Variants in RBM25 observed in about 807,000 individuals in gnomAD.
RBM25 encodes RNA binding motif protein 25.
Under a neutral mutation model 120.7 loss-of-function variants are expected in RBM25, and 19 were observed. That is an observed-to-expected ratio of 0.16 (90% CI 0.11 to 0.23). The LOEUF is 0.23. RBM25 is among the 10% of genes least tolerant of loss of function. The pLI is 1.00. For missense variants in RBM25, 605 were observed against 1,041.5 expected, an observed-to-expected ratio of 0.58 and a Z score of 5.77; for synonymous variants, 390 against 326.7, an observed-to-expected ratio of 1.19 and a Z score of -2.09.
rs189263406 is a variant in RBM25 at position 73,058,966 on chromosome 14, T to A, written c.-16+261T>A. ...TTCCGTCTTGCATTGTCGCCCACTT[T>A]CCCTTTCCCTTCCACGTTCCGCCGC... On this transcript the variant is annotated intron_variant, in intron 1 of 18. Transcript: ENST00000261973. 3.5e-3 allele frequency among the ~76,000 whole-genome samples: 526 copies of A among 152,206 alleles called. 3 individuals are homozygous for A. Among genetic ancestry groups the A allele is most frequent in the Middle Eastern group, 6.8e-3 (2 of 294 alleles).
intron 6 of RBM25, among the ~76,000 whole-genome samples, chr14:73,090,152 G>A (rs1410925802): frequency 1.3e-5 from 2 of 151,988 alleles, no homozygotes; most frequent in Non-Finnish European, 2.9e-5. Flanking sequence ...CCAGGTTCAA[G>A]CGATTCTCCT....
intron 1 of RBM25, among the ~76,000 whole-genome samples, chr14:73,063,087 G>T (rs550335802): frequency 3.9e-4 from 59 of 151,184 alleles, no homozygotes; most frequent in African/African-American, 1.3e-3. Flanking sequence ...CTCCCAAAAC[G>T]CCGGGATTAC....
intron 18 of RBM25, 47 bp downstream of exon 18, chr14:73,114,380 T>G (rs1387965295): frequency 2.2e-6 from 3 of 1,372,428 alleles, no homozygotes; most frequent in Non-Finnish European, 3.0e-6. Context: ...TTAAAAAAAG[T>G]TTTTGGTTTT....
At chr14:73,077,721 A>G (rs1409384364) in intron 4 of RBM25, among the ~76,000 whole-genome samples, 185 bp downstream of exon 4, 2 of 152,232 alleles carry the variant, frequency 1.3e-5, no homozygotes. Flanking sequence ...ACATGTTTAG[A>G]TATTTTATGT....
In RBM25 at chr14:73,083,502, T is replaced by C. The variant is rs758623176; in HGVS notation, c.333T>C (p.Gly111=). ...TTTGTTTTCTTTTTAAGAAATGTGG[T>C]TTGGTTTTGAGCTGGAAGAGAGTAC... is the stretch of plus-strand genomic sequence containing the variant. The part of the protein sequence containing the change: ...MLIRQLLAKC[G]LVLSWKRVQG... Residue 111 remains glycine, a synonymous_variant, in exon 5 of 19, where the codon GGT becomes GGC. Coordinates refer to ENST00000261973, the MANE Select transcript of RBM25 (RefSeq NM_021239.3). 25 of 1,574,180 alleles carry C rather than the reference T, an allele frequency of 1.6e-5. No individual in the cohort carries two copies. The highest frequency in any genetic ancestry group is 2.0e-5 in the Non-Finnish European group (23 of 1,169,136).
intron 6 of RBM25, among the ~76,000 whole-genome samples, chr14:73,091,957 T>C (rs936793154): frequency 1.7e-4 from 26 of 152,088 alleles, no homozygotes; most frequent in African/African-American, 5.8e-4. Flanking sequence ...TTGACAGATA[T>C]CAGTTATATG....
chr14:73,111,483 A>G, intron 15 of RBM25, 45 bp from the exon 16 acceptor site: 1 of 1,526,946 alleles, frequency 6.5e-7, no homozygotes, highest in Non-Finnish European at 8.8e-7. Context: ...AAAATGAAAC[A>G]TTTGGAAATT....
chr14:73,096,307 T>C (rs1325950109), intron 6 of RBM25, among the ~76,000 whole-genome samples: 2 of 152,134 alleles, frequency 1.3e-5, no homozygotes, highest in Non-Finnish European at 2.9e-5. Context: ...CTACAAATAC[T>C]TACTTTGATT....
At chr14:73,065,854 C>A (rs915811042) in intron 1 of RBM25, among the ~76,000 whole-genome samples, 1 of 150,472 alleles carries the variant, frequency 6.6e-6, no homozygotes, top group African/African-American at 2.5e-5. Flanking sequence ...CGCCCCTGAC[C>A]GAGAGTTTTA....
chr14:73,063,240 C>T lies in RBM25; in HGVS notation c.-16+4535C>T, dbSNP rs936589701. Among the ~76,000 whole-genome samples the T allele has an allele frequency of 9.9e-5, 15 of 151,254 alleles. 2 individuals are homozygous for T. Among genetic ancestry groups the T allele is most frequent in the East Asian group, 5.8e-4 (3 of 5,200 alleles). On this transcript the variant is annotated intron_variant, in intron 1 of 18. Coordinates refer to ENST00000261973, the MANE Select transcript of RBM25 (RefSeq NM_021239.3). ...TCTCTGCTCACTGCAAGCTCCGCCT[C>T]CCGGGTTCACGCCATTCTCCTGCCT...
intron 5 of RBM25, among the ~76,000 whole-genome samples, chr14:73,086,687 C>CA (rs1443116428): frequency 2.0e-5 from 3 of 152,068 alleles, no homozygotes; most frequent in Admixed American, 2.0e-4. Context: ...CTATCATCAG[C>CA]AATATGATCA....
intron 1 of RBM25, among the ~76,000 whole-genome samples, chr14:73,065,816 A>G (rs993961752): frequency 1.3e-5 from 2 of 152,092 alleles, no homozygotes; most frequent in African/African-American, 4.8e-5. Flanking sequence ...TGGCCTCCCA[A>G]AGTGCTGGGA....
At position 73,122,150 on chromosome 14, in the gene RBM25, T is replaced by A. The variant is rs567613529; in HGVS notation, c.*2345T>A. The A allele has an allele frequency of 6.6e-5, 10 of 151,650 alleles. No homozygotes were observed. Among genetic ancestry groups the A allele is most frequent in the Non-Finnish European group, 1.5e-4 (10 of 67,560 alleles). The allele number at this position is 151,650 out of a possible 1,614,324, so 9.4% of individuals were successfully genotyped here. A position where few individuals can be genotyped will look rare whatever the true frequency, so the allele number is the denominator to read the frequency against. The stretch of plus-strand genomic sequence containing the variant: ...AATTTCTATTAAGTTGCTTGAACTT[T>A]GTGGGTTAATTTTACCATAATCTCA... On this transcript the variant is annotated 3_prime_UTR_variant, in exon 19 of 19. Transcript: ENST00000261973.
At chr14:73,076,280 T>C (rs769079498) in intron 2 of RBM25, 39 bp from the exon 3 acceptor site, 1 of 1,522,972 alleles carries the variant, frequency 6.6e-7, no homozygotes, top group Non-Finnish European at 9.1e-7. Context: ...TGATAGAGAA[T>C]GCAGTCATGT....
At chr14:73,058,962 A>G (rs1053659205) in intron 1 of RBM25, among the ~76,000 whole-genome samples, 1 of 151,902 alleles carries the variant, frequency 6.6e-6, no homozygotes, top group Non-Finnish European at 1.5e-5. Flanking sequence ...ATTGTCGCCC[A>G]CTTTCCCTTT....
At chr14:73,105,838 A>G (rs1361194478) in intron 10 of RBM25, 21 bp from the exon 11 acceptor site, 4 of 1,598,692 alleles carry the variant, frequency 2.5e-6, no homozygotes, top group East Asian at 2.2e-5. Flanking sequence ...ACAGATTTGT[A>G]AAATATTTTG....
intron 1 of RBM25, among the ~76,000 whole-genome samples, chr14:73,066,506 G>A (rs1895137636): frequency 6.6e-6 from 1 of 151,982 alleles, no homozygotes; most frequent in African/African-American, 2.4e-5. Context: ...GCTTGGTCGT[G>A]CGTGCCTTGT....
chr14:73,088,652 A>G (rs191785460), intron 6 of RBM25, among the ~76,000 whole-genome samples: 219 of 152,308 alleles, frequency 1.4e-3, no homozygotes, highest in African/African-American at 5.1e-3. Flanking sequence ...ATTTTAATGT[A>G]TACATTATTA....
intron 6 of RBM25, among the ~76,000 whole-genome samples, chr14:73,094,747 C>G (rs528596260): frequency 1.2e-3 from 179 of 152,034 alleles, no homozygotes; most frequent in African/African-American, 4.2e-3. Context: ...AGGCTGGTCT[C>G]GAACTCCTGA....
Sources: gnomAD v4.1 joint callset for allele counts (sites outside exome capture counted in the v4.1 genomes callset) on GRCh38, gnomAD v4.1.1 for gene constraint, MANE v1.5 for transcripts, NCBI Gene and HGNC (gene_info 2026-07-23, HGNC 2026-07-21) for gene names.